LRSAM1: variants seen among roughly 807,000 people sequenced by gnomAD.
LRSAM1 encodes leucine rich repeat and sterile alpha motif containing 1, also known as E3 ubiquitin-protein ligase LRSAM1.
LRSAM1 carries 96 observed loss-of-function variants against 118.1 expected under a neutral mutation model. That is an observed-to-expected ratio of 0.81 (90% CI 0.69 to 0.96). The LOEUF (loss-of-function observed/expected upper bound fraction) is 0.96, where lower values mean the gene tolerates loss of function less well. Among genes scored for constraint, LRSAM1 ranks in the 40% least tolerant of loss-of-function variants. The pLI, the probability that LRSAM1 is intolerant of heterozygous loss-of-function variation, is 0.00. For synonymous variants in LRSAM1, 322 were observed against 364.2 expected, an observed-to-expected ratio of 0.88 and a Z score of 1.32; for missense variants, 804 against 915.5, an observed-to-expected ratio of 0.88 and a Z score of 1.57.
chr9:127,467,220 C>T (rs1333575192), intron 9 of LRSAM1, among the ~76,000 whole-genome samples: 1 of 152,084 alleles, frequency 6.6e-6, no homozygotes, highest in Non-Finnish European at 1.5e-5. Context: ...AGAAGCAGAA[C>T]TGGCAAAAAG....
chr9:127,488,941 T>C (rs1412267748), intron 18 of LRSAM1, among the ~76,000 whole-genome samples: 1 of 152,106 alleles, frequency 6.6e-6, no homozygotes, highest in East Asian at 1.9e-4. Flanking sequence ...CCTTCTTCCC[T>C]CGCCTTTCTC....
rs1027176649 is a variant in LRSAM1, at chr9:127,481,079, G to A, written c.1044-104G>A. The A allele has an allele frequency of 1.2e-5, 15 of 1,242,650 alleles. No homozygotes were observed. In the African/African-American group the frequency reaches 2.1e-4, roughly 17 times the overall value. The allele number at this position is 1,242,650 out of a possible 1,614,324, so 77.0% of individuals were successfully genotyped here. A position where few individuals can be genotyped will look rare whatever the true frequency, so the allele number is the denominator to read the frequency against. ...CAGAGCTTCAAGGTGGTGGAGCCAA[G>A]GTGCCCCCAGCCCATTTCCTAAGCC... On this transcript the variant is annotated intron_variant, in intron 14 of 25. Coordinates refer to ENST00000300417, the MANE Select transcript of LRSAM1 (RefSeq NM_001005373.4).
At chr9:127,483,852 G>A (rs1227653735) in intron 16 of LRSAM1, among the ~76,000 whole-genome samples, 1 of 152,108 alleles carries the variant, frequency 6.6e-6, no homozygotes, top group East Asian at 1.9e-4. Flanking sequence ...TAGTAGAGAT[G>A]GGGTTTTGCC....
chr9:127,477,476 G>T (rs1409383061), intron 11 of LRSAM1, among the ~76,000 whole-genome samples: 3 of 152,208 alleles, frequency 2.0e-5, no homozygotes, highest in Admixed American at 6.5e-5. Context: ...TGTGCCAGGC[G>T]CAGTGGCTCA....
Position 127,486,366 on chromosome 9 carries a change from G to A in LRSAM1, c.1259+531G>A, listed in dbSNP as rs114889579. 1,205 of 171,236 alleles carry A rather than the reference G, an allele frequency of 7.0e-3. 13 individuals carry two copies. The highest frequency in any genetic ancestry group is 0.026 in the African/African-American group (1,105 of 42,052). The allele number at this position is 171,236 out of a possible 1,614,324, so 10.6% of individuals were successfully genotyped here. A position where few individuals can be genotyped will look rare whatever the true frequency, so the allele number is the denominator to read the frequency against. ...CATGCTGATGGCTGCTCTGGGGTCC[G>A]GCTCCCTGTGCTCACTGGGCACTGT... is the stretch of plus-strand genomic sequence containing the variant. On this transcript the variant is annotated intron_variant, in intron 17 of 25. Coordinates refer to ENST00000300417, the MANE Select transcript of LRSAM1 (RefSeq NM_001005373.4).
At chr9:127,472,688 A>G (rs1246286549) in intron 10 of LRSAM1, among the ~76,000 whole-genome samples, 1 of 152,182 alleles carries the variant, frequency 6.6e-6, no homozygotes, top group Non-Finnish European at 1.5e-5. Flanking sequence ...TAAAGAAACC[A>G]TAAAAGGTAT....
At position 127,461,649 on chromosome 9, in the gene LRSAM1, G is replaced by A. The variant is rs78292262; in HGVS notation, c.406+392G>A. On this transcript the variant is annotated intron_variant, in intron 8 of 25. Transcript: ENST00000300417. ...GCCTCCTGAGGAGTCCACTGGGCAG[G>A]CTGAGGGCAGTGGTGCCATCCCCAG... Among the ~76,000 whole-genome samples the A allele has an allele frequency of 2.0e-3, 299 of 152,360 alleles. 3 individuals are homozygous for A. In the East Asian group the frequency reaches 0.041, roughly 21 times the overall value.
At position 127,491,385 on chromosome 9, in the gene LRSAM1, C is replaced by A. The variant is rs143059886; in HGVS notation, c.1503+90C>A. 2.0e-3 allele frequency: 2,082 copies of A among 1,015,936 alleles called. 6 individuals carry two copies. Among genetic ancestry groups the A allele is most frequent in the South Asian group, 2.7e-3 (210 of 76,906 alleles). 62.9% of individuals were successfully genotyped at this position (1,015,936 alleles called of 1,614,324 possible). The stretch of plus-strand genomic sequence containing the variant: ...CAGCCTCTGGCAGCTGCTCACCAGC[C>A]CCTGGGAGTCAAGGGCTTCCCCAGC... On this transcript the variant is annotated intron_variant, in intron 20 of 25. Transcript: ENST00000300417.
At position 127,465,084 on chromosome 9, in the gene LRSAM1, G is replaced by A. The variant is rs1461319639; in HGVS notation, c.529-2656G>A. Among the ~76,000 whole-genome samples the A allele has an allele frequency of 2.6e-5, 4 of 152,112 alleles. No homozygotes were observed. Among genetic ancestry groups the A allele is most frequent in the Non-Finnish European group, 4.4e-5 (3 of 68,034 alleles). On this transcript the variant is annotated intron_variant, in intron 9 of 25. Transcript: ENST00000300417. The surrounding 1 kb of genome is among the most constrained non-coding windows in gnomAD (Gnocchi z 4.1). ...GGCAAGATCTTCAGGTGTCACGCAC[G>A]CCACCCACCAAACAGCCCACCAGGT...
intron 11 of LRSAM1, among the ~76,000 whole-genome samples, chr9:127,478,052 C>CAAAAAAAA (rs368060643): frequency 1.4e-5 from 1 of 72,272 alleles, no homozygotes; most frequent in Non-Finnish European, 3.0e-5. Context: ...AACTCCGTCT[C>CAAAAAAAA]AAAAAAAAAA....
At chr9:127,500,482 G>T (rs1836343908) in intron 24 of LRSAM1, among the ~76,000 whole-genome samples, 1 of 152,166 alleles carries the variant, frequency 6.6e-6, no homozygotes, top group Non-Finnish European at 1.5e-5. Context: ...GGGGGCAGGG[G>T]AACAGCCTTG....
At chr9:127,469,956 C>A (rs1051447236) in intron 10 of LRSAM1, among the ~76,000 whole-genome samples, 1 of 152,082 alleles carries the variant, frequency 6.6e-6, no homozygotes, top group Non-Finnish European at 1.5e-5. Flanking sequence ...CAGAGCAAGA[C>A]TCCATCTCAA....
chr9:127,455,583 T>C lies in LRSAM1; in HGVS notation c.137T>C (p.Phe46Ser). The C allele has an allele frequency of 4.3e-6, 7 of 1,614,168 alleles. No homozygotes were observed. The highest frequency in any genetic ancestry group is 5.9e-6 in the Non-Finnish European group (7 of 1,179,998). ...ISKCELSEIPFGAFATCKVLQ... is the reference protein window; with the variant it reads ...ISKCELSEIPSGAFATCKVLQ... ...TTCTTTATCTTATCTTAGATTCCAT[T>C]TGGAGCTTTTGCAACATGCAAAGTT... Residue 46 changes from phenylalanine to serine, a missense_variant, in exon 5 of 26, where the codon TTT becomes TCT. Physicochemically the swap from Phe to Ser is radical, Grantham distance 155. Transcript: ENST00000300417.
At chr9:127,483,990 CATT>C (rs1835632870) in intron 16 of LRSAM1, among the ~76,000 whole-genome samples, 1 of 152,110 alleles carries the variant, frequency 6.6e-6, no homozygotes, top group Admixed American at 6.6e-5. Flanking sequence ...AGTTCTGTGG[CATT>C]ATTGTTGTAC....
In LRSAM1 at chr9:127,491,196, T is replaced by G; in HGVS notation, c.1423-19T>G. The stretch of plus-strand genomic sequence containing the variant: ...GGTTAATGTGAGTAAAAAAAAACCC[T>G]GTCTCGTCTTCTGTTTAGATTAAGT... On this transcript the variant is annotated intron_variant, in intron 19 of 25. Transcript: ENST00000300417. The G allele has an allele frequency of 6.2e-7, 1 of 1,607,788 alleles. No individual in the cohort carries two copies. Among genetic ancestry groups the G allele is most frequent in the Non-Finnish European group, 8.5e-7 (1 of 1,174,524 alleles).
At chr9:127,495,926 C>G (rs1156585559) in intron 22 of LRSAM1, 38 bp from the exon 23 acceptor site, 1 of 1,609,030 alleles carries the variant, frequency 6.2e-7, no homozygotes, top group East Asian at 2.2e-5. Flanking sequence ...GGGTTCTTTT[C>G]TTCCTTCCTG....
chr9:127,473,105 A>T, intron 10 of LRSAM1, among the ~76,000 whole-genome samples: 1 of 152,104 alleles, frequency 6.6e-6, no homozygotes, highest in East Asian at 1.9e-4. Context: ...TTCTAATGTC[A>T]CTTCCTTGAT....
chr9:127,497,100 C>T (rs981819313), intron 23 of LRSAM1, among the ~76,000 whole-genome samples, 153 bp from the exon 24 acceptor site: 3 of 152,274 alleles, frequency 2.0e-5, no homozygotes, highest in African/African-American at 7.2e-5. Flanking sequence ...ACTGCCTCAT[C>T]CTGACCGTGG....
intron 20 of LRSAM1, among the ~76,000 whole-genome samples, chr9:127,491,829 G>A (rs535854208): frequency 5.4e-4 from 82 of 152,354 alleles, no homozygotes; most frequent in Non-Finnish European, 9.3e-4. Context: ...GGATGCCTGG[G>A]AGCCGGGTGT....
Sources: gnomAD v4.1 joint callset for allele counts (sites outside exome capture counted in the v4.1 genomes callset) on GRCh38, gnomAD v4.1.1 for gene constraint, Gnocchi (gnomAD v3.1) non-coding constraint, MANE v1.5 for transcripts, NCBI Gene and HGNC (gene_info 2026-07-23, HGNC 2026-07-21) for gene names.